ATL2: variants seen among roughly 807,000 people sequenced by gnomAD.
The protein encoded by ATL2 is atlastin-2.
In ATL2, 31 loss-of-function variants were observed where a neutral mutation model predicts 73.9. That is an observed-to-expected ratio of 0.42 (90% confidence interval 0.32 to 0.57). ATL2 has a LOEUF of 0.57. ATL2 is among the 20% of genes least tolerant of loss of function. The pLI is 0.14. For missense variants in ATL2, 738 were observed against 702.6 expected (o/e 1.05, Z -0.57); for synonymous variants, 291 against 237.5 (o/e 1.23, Z -2.07).
At chr2:38,298,600 A>G (rs529538215) in intron 11 of ATL2, 25 bp from the exon 12 acceptor site, 1 of 1,577,196 alleles carries the variant, frequency 6.3e-7, no homozygotes, top group Admixed American at 1.9e-5. Flanking sequence ...TTACAGTATT[A>G]CATGCTAGAA....
At chr2:38,343,862 T>G (rs1014174053) in intron 1 of ATL2, among the ~76,000 whole-genome samples, 2 of 152,172 alleles carry the variant, frequency 1.3e-5, no homozygotes, top group Non-Finnish European at 2.9e-5. Context: ...CGAAATTTGA[T>G]GATTTTATAA....
intron 1 of ATL2, among the ~76,000 whole-genome samples, chr2:38,351,438 A>G (rs1670339045): frequency 6.6e-6 from 1 of 152,052 alleles, no homozygotes; most frequent in Non-Finnish European, 1.5e-5. Context: ...ATACTGACAT[A>G]TTATGCAGCC....
chr2:38,374,614 G>A (rs944395038), intron 1 of ATL2, among the ~76,000 whole-genome samples: 8 of 152,188 alleles, frequency 5.3e-5, no homozygotes, highest in African/African-American at 1.9e-4. Flanking sequence ...AATTGTGTGT[G>A]TCAAACAGGT....
Position 38,296,508 on chromosome 2 carries a change from G to A in ATL2, c.1633-395C>T, listed in dbSNP as rs750757216. The A allele has an allele frequency of 4.3e-6, 7 of 1,613,614 alleles. No individual in the cohort carries two copies. The Admixed American group carries it at 1.0e-4, about 23-fold the overall frequency. ...CTAATTTTTCTTCTTGTTATTGTTGGATGACAGTCTCTGTCGCTGTGCTGA... is the reference window on the plus strand; with the variant it reads ...CTAATTTTTCTTCTTGTTATTGTTGAATGACAGTCTCTGTCGCTGTGCTGA... On this transcript the variant is annotated intron_variant, in intron 12 of 12. Transcript: ENST00000378954.
intron 9 of ATL2, among the ~76,000 whole-genome samples, chr2:38,304,496 T>C (rs979669868): frequency 2.0e-5 from 3 of 152,170 alleles, no homozygotes; most frequent in Non-Finnish European, 4.4e-5. Flanking sequence ...AAAAACAGAA[T>C]ATTATTAACA....
intron 2 of ATL2, among the ~76,000 whole-genome samples, chr2:38,322,534 C>A (rs1453836662): frequency 2.0e-5 from 3 of 152,082 alleles, no homozygotes; most frequent in Non-Finnish European, 2.9e-5. Context: ...CATAAAAAGA[C>A]AGTAAAAATA....
intron 1 of ATL2, among the ~76,000 whole-genome samples, chr2:38,368,471 C>G (rs968810413): frequency 1.3e-5 from 2 of 152,012 alleles, no homozygotes; most frequent in African/African-American, 4.8e-5. Flanking sequence ...AGGCTGGTCT[C>G]GAACTCCCCA....
At chr2:38,328,078 G>C (rs1332374112) in intron 2 of ATL2, among the ~76,000 whole-genome samples, 1 of 152,108 alleles carries the variant, frequency 6.6e-6, no homozygotes, top group Admixed American at 6.6e-5. Context: ...CTAATCAAAA[G>C]AAAGCTAGAG....
At chr2:38,375,119 C>A (rs1671889880) in intron 1 of ATL2, among the ~76,000 whole-genome samples, 1 of 152,178 alleles carries the variant, frequency 6.6e-6, no homozygotes, top group South Asian at 2.1e-4. Flanking sequence ...AGAATAAACA[C>A]AAAGCCTCTC....
At chr2:38,300,890 A>AAC (rs199724977) in intron 9 of ATL2, among the ~76,000 whole-genome samples, 2,618 of 151,896 alleles carry the variant, frequency 0.017, 85 homozygotes, top group African/African-American at 0.061. Flanking sequence ...GAAAAAAAAA[A>AAC]AAAAAACTAA....
At chr2:38,325,672 A>C (rs1166691655) in intron 2 of ATL2, among the ~76,000 whole-genome samples, 1 of 73,500 alleles carries the variant, frequency 1.4e-5, no homozygotes, top group African/African-American at 1.3e-4. Flanking sequence ...ACACACACAC[A>C]CACACACACA....
chr2:38,296,453 T>A, intron 12 of ATL2: 1 of 1,576,022 alleles, frequency 6.3e-7, no homozygotes, highest in Non-Finnish European at 8.6e-7. Context: ...TGTGAACACT[T>A]CAGATAGAGA....
chr2:38,317,975 C>T (rs1668114852), intron 4 of ATL2, among the ~76,000 whole-genome samples: 1 of 152,216 alleles, frequency 6.6e-6, no homozygotes, highest in African/African-American at 2.4e-5. Flanking sequence ...ATGTAAATAG[C>T]TTCCTTTTTT....
At position 38,333,035 on chromosome 2, in the gene ATL2, A is replaced by C. The variant is rs1573506813; in HGVS notation, c.363+10233T>G. Among the ~76,000 whole-genome samples the C allele has an allele frequency of 2.0e-5, 3 of 151,978 alleles. No individual in the cohort carries two copies. In the East Asian group the frequency reaches 5.8e-4, roughly 29 times the overall value. The stretch of plus-strand genomic sequence containing the variant: ...AGTGAGACTTGATCTGAAAAGAAAA[A>C]GAAAAAGAGAAAGAAAAGAAATTCT... On this transcript the variant is annotated intron_variant, in intron 2 of 12. Transcript: ENST00000378954.
chr2:38,313,478 A>C (rs1558398406), intron 6 of ATL2, among the ~76,000 whole-genome samples: 1 of 152,196 alleles, frequency 6.6e-6, no homozygotes, highest in African/African-American at 2.4e-5. Context: ...ATATAAAGAA[A>C]GAGTCACCAC....
intron 9 of ATL2, among the ~76,000 whole-genome samples, chr2:38,303,606 C>A (rs1230882060): frequency 6.6e-6 from 1 of 152,022 alleles, no homozygotes; most frequent in Non-Finnish European, 1.5e-5. Flanking sequence ...ATGAAGCATG[C>A]CTACAAGATC....
intron 2 of ATL2, among the ~76,000 whole-genome samples, chr2:38,321,154 C>G (rs1026628943): frequency 6.6e-6 from 1 of 152,130 alleles, no homozygotes; most frequent in African/African-American, 2.4e-5. Context: ...GCCTGGGCAA[C>G]AGAGAGAGAC....
chr2:38,330,429 T>C lies in ATL2; in HGVS notation c.364-11410A>G, dbSNP rs571034454. 1.2e-4 allele frequency among the ~76,000 whole-genome samples: 19 copies of C among 152,066 alleles called. No homozygotes were observed. The East Asian group carries it at 3.5e-3, about 28-fold the overall frequency. ...GGGACCATCAGCCAAGACACAGAAA[T>C]AAAAGGTTCCCAGGTAAGAAAGAAA... On this transcript the variant is annotated intron_variant, in intron 2 of 12. Transcript: ENST00000378954.
chr2:38,375,434 G>A (rs1671905124), intron 1 of ATL2, among the ~76,000 whole-genome samples: 1 of 152,182 alleles, frequency 6.6e-6, no homozygotes, highest in Non-Finnish European at 1.5e-5. Context: ...AAAAACCTAT[G>A]AGTAGCAGAC....
Sources: gnomAD v4.1 joint callset for allele counts (sites outside exome capture counted in the v4.1 genomes callset) on GRCh38, gnomAD v4.1.1 for gene constraint, MANE v1.5 for transcripts, NCBI Gene and HGNC (gene_info 2026-07-23, HGNC 2026-07-21) for gene names.